TSNARE1: variants seen among roughly 807,000 people sequenced by gnomAD.
The protein encoded by TSNARE1 is t-SNARE domain containing 1, also known as t-SNARE domain-containing protein 1.
Under a neutral mutation model 62.0 loss-of-function variants are expected in TSNARE1, and 49 were observed. The ratio of observed to expected loss-of-function variants is 0.79; its 90% CI spans 0.63 to 1.00. The LOEUF is 1.00. Ranked by LOEUF, TSNARE1 falls within the 50% of genes least tolerant of loss-of-function variation. The pLI is 0.00. For missense variants in TSNARE1, 755 were observed against 700.1 expected, an observed-to-expected ratio of 1.08 and a Z score of -0.88; for synonymous variants, 328 against 294.4, an observed-to-expected ratio of 1.11 and a Z score of -1.17.
intron 12 of TSNARE1, among the ~76,000 whole-genome samples, chr8:142,255,391 A>AC (rs1818377747): frequency 6.9e-6 from 1 of 145,136 alleles, no homozygotes; most frequent in Admixed American, 6.9e-5. Flanking sequence ...TGTTACCACC[A>AC]CCATTACCAT....
At chr8:142,256,126 ATCATCACCG>A (rs2130347159) in intron 12 of TSNARE1, among the ~76,000 whole-genome samples, 1 of 128,386 alleles carries the variant, frequency 7.8e-6, no homozygotes, top group African/African-American at 3.0e-5. Context: ...CATCACCACC[ATCATCACCG>A]TCACCACCAC....
intron 1 of TSNARE1, among the ~76,000 whole-genome samples, chr8:142,392,553 C>T (rs1366085745): frequency 2.0e-5 from 3 of 152,134 alleles, no homozygotes; most frequent in Non-Finnish European, 2.9e-5. Flanking sequence ...GGGAATTTTT[C>T]GGCGCCAGTA....
intron 13 of TSNARE1, among the ~76,000 whole-genome samples, chr8:142,218,479 C>A (rs1032666364): frequency 6.6e-6 from 1 of 152,212 alleles, no homozygotes; most frequent in African/African-American, 2.4e-5. Flanking sequence ...CAGTGCCCAT[C>A]CCTCAGCTCA....
chr8:142,256,094 T>C (rs1586869686), intron 12 of TSNARE1, among the ~76,000 whole-genome samples: 1 of 30,918 alleles, frequency 3.2e-5, no homozygotes, highest in African/African-American at 1.2e-4. Flanking sequence ...ACCACCACTG[T>C]CAGCATCACC....
At chr8:142,288,278 C>G (rs1823116438) in intron 10 of TSNARE1, among the ~76,000 whole-genome samples, 1 of 152,198 alleles carries the variant, frequency 6.6e-6, no homozygotes, top group African/African-American at 2.4e-5. Context: ...TCCAGGCACG[C>G]CTCTGTGCAC....
At chr8:142,286,636 C>T (rs895973816) in intron 10 of TSNARE1, among the ~76,000 whole-genome samples, 4 of 152,198 alleles carry the variant, frequency 2.6e-5, no homozygotes, top group Non-Finnish European at 4.4e-5. Flanking sequence ...GTCACCACCA[C>T]CTTCTGCCAG....
intron 13 of TSNARE1, among the ~76,000 whole-genome samples, chr8:142,224,026 G>A (rs370650673): frequency 1.3e-5 from 2 of 149,954 alleles, no homozygotes; most frequent in South Asian, 2.1e-4. Flanking sequence ...GAGAGCTATC[G>A]GTGCAGTCCT....
rs768398975 is a variant in TSNARE1, at chr8:142,271,999, TC to T, written c.1446+2781del. 4.1e-4 allele frequency among the ~76,000 whole-genome samples: 63 copies of T among 152,100 alleles called. No individual in the cohort carries two copies. In the Middle Eastern group the frequency reaches 0.01, roughly 25 times the overall value. ...CTCCCACCGACTCCCCTGTGCTCCATCCGCTCGTCCGCCTGCCCTCTGGTCT... is the reference window on the plus strand; with the variant it reads ...CTCCCACCGACTCCCCTGTGCTCCATCGCTCGTCCGCCTGCCCTCTGGTCT... On this transcript the variant is annotated intron_variant, in intron 12 of 13. Coordinates refer to ENST00000524325, the MANE Select transcript of TSNARE1 (RefSeq NM_145003.5).
intron 1 of TSNARE1, among the ~76,000 whole-genome samples, chr8:142,382,607 T>C (rs1836848999): frequency 6.6e-6 from 1 of 152,104 alleles, no homozygotes; most frequent in Non-Finnish European, 1.5e-5. Context: ...GGTCTGGCCA[T>C]GGGGTGGCCA....
chr8:142,355,481 G>A (rs765241505), intron 1 of TSNARE1, among the ~76,000 whole-genome samples: 12 of 152,178 alleles, frequency 7.9e-5, no homozygotes, highest in African/African-American at 2.4e-4. Flanking sequence ...GGCACCGGCC[G>A]TCCCTGGAAT....
At chr8:142,363,062 C>T (rs1172479380) in intron 1 of TSNARE1, among the ~76,000 whole-genome samples, 1 of 152,194 alleles carries the variant, frequency 6.6e-6, no homozygotes, top group Admixed American at 6.5e-5. Context: ...CACCATGCTA[C>T]ACTCAAACAG....
At chr8:142,320,450 C>T (rs918908857) in intron 6 of TSNARE1, among the ~76,000 whole-genome samples, 7 of 151,038 alleles carry the variant, frequency 4.6e-5, no homozygotes, top group African/African-American at 1.7e-4. Context: ...CCCACACTGC[C>T]CTCCTGCACC....
At chr8:142,254,539 CCT>C (rs1818330604) in intron 12 of TSNARE1, among the ~76,000 whole-genome samples, 1 of 152,234 alleles carries the variant, frequency 6.6e-6, no homozygotes, top group African/African-American at 2.4e-5. Context: ...TCTTGCTTCA[CCT>C]CTCATGTTCT....
chr8:142,349,481 A>T (rs1383829680), intron 2 of TSNARE1, among the ~76,000 whole-genome samples: 1 of 152,170 alleles, frequency 6.6e-6, no homozygotes, highest in Non-Finnish European at 1.5e-5. Flanking sequence ...AATAGCATCA[A>T]CTTAAAGAAA....
chr8:142,388,589 G>A (rs1417891912), intron 1 of TSNARE1, among the ~76,000 whole-genome samples: 12 of 114,890 alleles, frequency 1.0e-4, no homozygotes, highest in East Asian at 5.1e-4. Flanking sequence ...ACAGAGTCTC[G>A]CTCTGTCACC....
At chr8:142,232,525 G>A (rs117658473) in intron 12 of TSNARE1, among the ~76,000 whole-genome samples, 2,332 of 152,346 alleles carry the variant, frequency 0.015, 34 homozygotes, top group Non-Finnish European at 0.027. Flanking sequence ...CCACAGAAAC[G>A]GACAGGCCAA....
At chr8:142,273,952 C>T (rs1185588224) in intron 12 of TSNARE1, 1 of 985,156 alleles carries the variant, frequency 1.0e-6, no homozygotes, top group Non-Finnish European at 1.2e-6. Flanking sequence ...CCTGGCCTCA[C>T]ACCCACTGCA....
chr8:142,275,722 AG>A, intron 11 of TSNARE1: 17 of 985,454 alleles, frequency 1.7e-5, no homozygotes, highest in Non-Finnish European at 2.0e-5. Flanking sequence ...GGGAGGCAGG[AG>A]TATCTAAACA....
rs879809176 is a variant in TSNARE1, at chr8:142,223,175, T to TTCATTCACTCACTCTC, written c.*11+6297_*11+6298insGAGAGTGAGTGAATGA. Reference sequence around the variant, plus strand: ...TCACTCATTCACTCACTCACTCAAGTATTCACTCATTCACTCGTTCACTCA... The same window carrying TTCATTCACTCACTCTC: ...TCACTCATTCACTCACTCACTCAAGTTCATTCACTCACTCTCATTCACTCATTCACTCGTTCACTCA... On this transcript the variant is annotated intron_variant, in intron 13 of 13. Transcript: ENST00000524325. 8.9e-5 allele frequency among the ~76,000 whole-genome samples: 3 copies of TTCATTCACTCACTCTC among 33,520 alleles called. 1 individual carries two copies. The highest frequency in any genetic ancestry group is 1.7e-4 in the Non-Finnish European group (3 of 18,158). The allele number at this position is 33,520 out of a possible 152,430, so 22.0% of individuals were successfully genotyped here. A position where few individuals can be genotyped will look rare whatever the true frequency, so the allele number is the denominator to read the frequency against.
Sources: gnomAD v4.1 joint callset for allele counts (sites outside exome capture counted in the v4.1 genomes callset) on GRCh38, gnomAD v4.1.1 for gene constraint, MANE v1.5 for transcripts, NCBI Gene and HGNC (gene_info 2026-07-23, HGNC 2026-07-21) for gene names.